Variants in MYO5A observed in about 807,000 individuals in gnomAD.
The protein encoded by MYO5A is unconventional myosin-Va.
In MYO5A, 98 loss-of-function variants were observed where a neutral mutation model predicts 249.7. That is an observed-to-expected ratio of 0.39 (90% confidence interval 0.33 to 0.46). The LOEUF (loss-of-function observed/expected upper bound fraction) is 0.46, where lower values mean the gene tolerates loss of function less well. Ranked by LOEUF, MYO5A falls within the 20% of genes least tolerant of loss-of-function variation. MYO5A has a pLI of 0.98. For synonymous variants in MYO5A, 778 were observed against 810.6 expected (o/e 0.96, Z 0.68); for missense variants, 1,696 against 2,308.8 (o/e 0.73, Z 5.44).
Position 52,308,810 on chromosome 15 carries a change from G to A in MYO5A, c.*4886C>T, listed in dbSNP as rs1295628053. The A allele has an allele frequency of 4.6e-5, 7 of 152,822 alleles. No individual in the cohort carries two copies. The highest frequency in any genetic ancestry group is 7.3e-5 in the Non-Finnish European group (5 of 68,170). 9.5% of individuals were successfully genotyped at this position (152,822 alleles called of 1,614,324 possible). A position where few individuals can be genotyped will look rare whatever the true frequency, so the allele number is the denominator to read the frequency against. ...GAGAACTTAAGGCAGCTCTAGAAGG[G>A]AAGGGAGCAAGGGTTAAGGCGGCCC... On this transcript the variant is annotated 3_prime_UTR_variant, in exon 42 of 42. Coordinates refer to ENST00000399233, the MANE Select transcript of MYO5A (RefSeq NM_001382347.1).
chr15:52,370,839 G>A (rs2041067871), intron 21 of MYO5A, among the ~76,000 whole-genome samples: 1 of 152,188 alleles, frequency 6.6e-6, no homozygotes, highest in Non-Finnish European at 1.5e-5. Context: ...TTGGCCAGGT[G>A]TAGTGGCTCA....
At chr15:52,333,920 GAAGCAGGTACACTGCACTCAGC>G (rs2039002380) in intron 34 of MYO5A, among the ~76,000 whole-genome samples, 1 of 152,222 alleles carries the variant, frequency 6.6e-6, no homozygotes, top group Non-Finnish European at 1.5e-5. Context: ...ATTTGGGGTA[GAAGCAGGTACACTGCACTCAGC>G]AAGTGCCCAA....
At chr15:52,368,006 T>A (rs572153621) in intron 22 of MYO5A, among the ~76,000 whole-genome samples, 2 of 152,162 alleles carry the variant, frequency 1.3e-5, no homozygotes, top group Admixed American at 6.5e-5. Flanking sequence ...AGTACATAAT[T>A]TACTCAGCTC....
At chr15:52,332,942 G>A (rs1046823109) in intron 34 of MYO5A, among the ~76,000 whole-genome samples, 4 of 152,174 alleles carry the variant, frequency 2.6e-5, no homozygotes, top group Admixed American at 1.3e-4. Context: ...TGCAGCCTGA[G>A]TGATGAAAGC....
At chr15:52,313,999 T>A in intron 41 of MYO5A, 124 bp downstream of exon 41, 2 of 1,297,468 alleles carry the variant, frequency 1.5e-6, no homozygotes, top group Non-Finnish European at 2.2e-6. Context: ...TTAACTATTA[T>A]CAAAAAAGTT....
intron 22 of MYO5A, 56 bp downstream of exon 22, chr15:52,370,113 T>C: frequency 6.2e-7 from 1 of 1,609,346 alleles, no homozygotes; most frequent in Non-Finnish European, 8.5e-7. Context: ...CAAGTCATGA[T>C]GACAGCACCT....
At chr15:52,344,042 G>C (rs961503132) in intron 30 of MYO5A, among the ~76,000 whole-genome samples, 1 of 152,126 alleles carries the variant, frequency 6.6e-6, no homozygotes, top group Non-Finnish European at 1.5e-5. Context: ...TACCCATAGA[G>C]GTTACACAGC....
At chr15:52,348,747 G>A in intron 29 of MYO5A, 71 bp downstream of exon 29, 1 of 1,268,376 alleles carries the variant, frequency 7.9e-7, no homozygotes, top group Non-Finnish European at 1.1e-6. Flanking sequence ...TGCCTTTATT[G>A]GGGGATACTT....
chr15:52,325,289 G>A (rs1410054462), intron 36 of MYO5A, among the ~76,000 whole-genome samples: 1 of 152,098 alleles, frequency 6.6e-6, no homozygotes, highest in Non-Finnish European at 1.5e-5. Flanking sequence ...GGATGTAACG[G>A]CACCTATACT....
intron 1 of MYO5A, chr15:52,505,964 A>AAAGTGATGGGAT: frequency 9.3e-7 from 1 of 1,074,286 alleles, no homozygotes; most frequent in Non-Finnish European, 1.3e-6. Context: ...CTGTAATCCC[A>AAAGTGATGGGAT]TCACTTTGGG....
intron 11 of MYO5A, among the ~76,000 whole-genome samples, chr15:52,394,926 A>C (rs1318422895): frequency 3.9e-5 from 6 of 152,244 alleles, no homozygotes; most frequent in African/African-American, 1.2e-4. Flanking sequence ...TTATTATGGA[A>C]ATAGTCATAA....
chr15:52,338,203 T>C (rs2140981459), intron 32 of MYO5A, among the ~76,000 whole-genome samples: 1 of 147,836 alleles, frequency 6.8e-6, no homozygotes, highest in South Asian at 2.1e-4. Flanking sequence ...CCCCAACACA[T>C]GATGCTCACA....
At chr15:52,331,727 G>C in intron 34 of MYO5A, 3 of 985,410 alleles carry the variant, frequency 3.0e-6, no homozygotes, top group Non-Finnish European at 3.6e-6. Flanking sequence ...ATGTGGCATG[G>C]AGCCTGGTGA....
intron 18 of MYO5A, among the ~76,000 whole-genome samples, chr15:52,379,012 C>G (rs1435337000): frequency 2.0e-5 from 3 of 152,188 alleles, no homozygotes; most frequent in African/African-American, 7.2e-5. Context: ...GTCCCATACA[C>G]AAATCTCACA....
intron 10 of MYO5A, among the ~76,000 whole-genome samples, chr15:52,396,886 A>G (rs2141184428): frequency 6.6e-6 from 1 of 152,350 alleles, no homozygotes; most frequent in East Asian, 1.9e-4. Flanking sequence ...AGGTACCCAA[A>G]TAAGGCAAAC....
chr15:52,478,231 G>A (rs1462755519), intron 1 of MYO5A, among the ~76,000 whole-genome samples: 1 of 152,216 alleles, frequency 6.6e-6, no homozygotes, highest in Admixed American at 6.5e-5. Flanking sequence ...ATATAATCTC[G>A]TGGTGTGCAG....
chr15:52,324,644 T>C (rs2038507052), intron 36 of MYO5A, among the ~76,000 whole-genome samples: 2 of 152,222 alleles, frequency 1.3e-5, no homozygotes, highest in South Asian at 4.1e-4. Context: ...TCTTAGAAGC[T>C]GTATGAGAAT....
chr15:52,385,228 A>G (rs779411449), intron 14 of MYO5A, among the ~76,000 whole-genome samples: 3 of 152,206 alleles, frequency 2.0e-5, no homozygotes, highest in Non-Finnish European at 2.9e-5. Flanking sequence ...GTCAAGCTAT[A>G]TTTGCAACTA....
At chr15:52,327,715 A>T in intron 36 of MYO5A, 137 bp downstream of exon 36, 1 of 917,818 alleles carries the variant, frequency 1.1e-6, no homozygotes, top group Non-Finnish European at 1.8e-6. Flanking sequence ...GTCTCAAAAT[A>T]GATAGGTAAG....
Sources: allele counts gnomAD v4.1 joint callset (sites outside exome capture counted in the v4.1 genomes callset), GRCh38; gene constraint gnomAD v4.1.1; transcripts MANE v1.5; gene names NCBI Gene and HGNC (gene_info 2026-07-23, HGNC 2026-07-21).